The following HVCN1 variants were observed in gnomAD, a reference collection of about 807,000 sequenced individuals.
The protein encoded by HVCN1 is hydrogen voltage gated channel 1.
HVCN1 carries 14 observed loss-of-function variants against 29.2 expected under a neutral mutation model. The ratio of observed to expected loss-of-function variants is 0.48; its 90% CI spans 0.32 to 0.75. The LOEUF is 0.75. Among genes scored for constraint, HVCN1 ranks in the 30% least tolerant of loss-of-function variants. HVCN1 has a pLI of 0.04. For synonymous variants in HVCN1, 131 were observed against 133.2 expected, an observed-to-expected ratio of 0.98 and a Z score of 0.11; for missense variants, 263 against 341.8, an observed-to-expected ratio of 0.77 and a Z score of 1.82.
intron 2 of HVCN1, among the ~76,000 whole-genome samples, chr12:110,699,391 C>A (rs944337222): frequency 2.0e-5 from 3 of 152,090 alleles, no homozygotes; most frequent in African/African-American, 7.2e-5. Flanking sequence ...GGGGTGGGCT[C>A]CTGCAGCAGA....
intron 3 of HVCN1, among the ~76,000 whole-genome samples, chr12:110,679,809 C>T (rs1404865521): frequency 1.3e-5 from 2 of 151,368 alleles, no homozygotes; most frequent in Non-Finnish European, 2.9e-5. Flanking sequence ...GCCGAGATTG[C>T]GCCACTGCAG....
At chr12:110,704,463 A>G (rs150218677) in intron 1 of HVCN1, among the ~76,000 whole-genome samples, 248 of 152,154 alleles carry the variant, frequency 1.6e-3, no homozygotes, top group African/African-American at 5.4e-3. Context: ...AGCCTGGGGC[A>G]ACATAGCAAG....
chr12:110,660,644 GTTGTGTAA>G (rs2068138573), intron 4 of HVCN1, among the ~76,000 whole-genome samples: 2 of 152,156 alleles, frequency 1.3e-5, no homozygotes, highest in South Asian at 4.1e-4. Flanking sequence ...CATTCACAAG[GTTGTGTAA>G]CCATCACCAC....
rs1422352668 is a variant in HVCN1 at position 110,676,665 on chromosome 12, T to TC, written c.21+6559dup. Among the ~76,000 whole-genome samples the TC allele has an allele frequency of 6.6e-6, 1 of 152,032 alleles. No homozygotes were observed. The highest frequency in any genetic ancestry group is 2.1e-4 in the South Asian group (1 of 4,822). ...AACACTTCACACATCTTGTCACAAC[T>TC]CCCTGCTGGAGGAAATAAGTGTGAC... On this transcript the variant is annotated intron_variant, in intron 3 of 7. Transcript: ENST00000242607. This position sits in a 1 kb window ranked among gnomAD's most constrained non-coding sequence, Gnocchi z 4.1.
intron 2 of HVCN1, among the ~76,000 whole-genome samples, chr12:110,684,929 C>T (rs1040930307): frequency 2.0e-5 from 3 of 152,144 alleles, no homozygotes; most frequent in Non-Finnish European, 4.4e-5. Context: ...TACTCTCCCC[C>T]AACCTTTTAT....
chr12:110,693,064 A>T (rs2069436797), upstream of HVCN1, among the ~76,000 whole-genome samples: 1 of 151,916 alleles, frequency 6.6e-6, no homozygotes, highest in South Asian at 2.1e-4. Flanking sequence ...TTTTTTGTAG[A>T]GATGGGGTCT....
intron 3 of HVCN1, among the ~76,000 whole-genome samples, chr12:110,662,469 CT>C (rs2068210876): frequency 2.0e-5 from 3 of 152,204 alleles, no homozygotes; most frequent in African/African-American, 7.2e-5. Context: ...ATTCCATGGG[CT>C]AAGGCAAGTA....
intron 3 of HVCN1, chr12:110,682,879 C>A (rs1354813868): frequency 7.0e-6 from 2 of 287,734 alleles, no homozygotes; most frequent in African/African-American, 4.7e-5. Context: ...AGGAAAATCG[C>A]TTGAACCCTG....
At chr12:110,669,896 A>G (rs568070435) in intron 3 of HVCN1, among the ~76,000 whole-genome samples, 1 of 152,204 alleles carries the variant, frequency 6.6e-6, no homozygotes, top group South Asian at 2.1e-4. Flanking sequence ...TCTCTACTAA[A>G]AATACAAAAA....
intron 3 of HVCN1, among the ~76,000 whole-genome samples, chr12:110,672,591 T>C (rs916349176): frequency 4.6e-5 from 7 of 152,330 alleles, no homozygotes; most frequent in African/African-American, 1.7e-4. Context: ...TTTTTTCTAA[T>C]AGGTTTGGCT....
In HVCN1 at chr12:110,677,594, C is replaced by T. The variant is rs1436474429; in HGVS notation, c.21+5631G>A. Reference sequence around the variant, plus strand: ...AATGAAACCCCTGAGCAAATCTCTTCTCTGTGGGGAGGCAAGAGGACTCCA... The same window carrying T: ...AATGAAACCCCTGAGCAAATCTCTTTTCTGTGGGGAGGCAAGAGGACTCCA... On this transcript the variant is annotated intron_variant, in intron 3 of 7. Transcript: ENST00000242607. Among the ~76,000 whole-genome samples, 9 of 152,344 alleles carry T rather than the reference C, an allele frequency of 5.9e-5. No homozygotes were observed. In the East Asian group the frequency reaches 1.7e-3, roughly 29 times the overall value.
intron 5 of HVCN1, among the ~76,000 whole-genome samples, chr12:110,653,219 G>C (rs1177028284): frequency 6.6e-6 from 1 of 152,162 alleles, no homozygotes; most frequent in Non-Finnish European, 1.5e-5. Flanking sequence ...CAGCACTTTG[G>C]GAGGCCAAGA....
intron 3 of HVCN1, among the ~76,000 whole-genome samples, chr12:110,679,225 C>T (rs913935973): frequency 9.9e-5 from 15 of 152,158 alleles, no homozygotes; most frequent in African/African-American, 2.4e-4. Context: ...CTGGGTGCTG[C>T]GGTGGTGGAT....
intron 2 of HVCN1, among the ~76,000 whole-genome samples, chr12:110,701,088 C>G (rs2069559332): frequency 1.3e-5 from 2 of 152,226 alleles, no homozygotes; most frequent in African/African-American, 4.8e-5. Context: ...GAAACAGAGG[C>G]CGCATCTGGT....
chr12:110,697,246 T>C (rs2069507431), intron 2 of HVCN1, among the ~76,000 whole-genome samples: 1 of 152,010 alleles, frequency 6.6e-6, no homozygotes, highest in Non-Finnish European at 1.5e-5. Context: ...ACAACTGGTA[T>C]TGACAACAAG....
chr12:110,650,418 G>T, intron 6 of HVCN1, 138 bp from the exon 7 acceptor site: 1 of 591,236 alleles, frequency 1.7e-6, no homozygotes, highest in Non-Finnish European at 3.1e-6. Flanking sequence ...TAGGGCATCA[G>T]AACTGGGAGG....
chr12:110,654,142 T>C (rs980214801), intron 5 of HVCN1, among the ~76,000 whole-genome samples: 2 of 151,666 alleles, frequency 1.3e-5, no homozygotes, highest in Non-Finnish European at 2.9e-5. Context: ...CTATTAAAAA[T>C]AGAGGAAGAG....
chr12:110,670,643 C>A (rs545367851), intron 3 of HVCN1, among the ~76,000 whole-genome samples: 3 of 152,294 alleles, frequency 2.0e-5, no homozygotes, highest in Non-Finnish European at 4.4e-5. Context: ...TGCCCCTGGG[C>A]TCCATGACTT....
At chr12:110,667,542 A>G (rs1324966575) in intron 3 of HVCN1, among the ~76,000 whole-genome samples, 2 of 152,092 alleles carry the variant, frequency 1.3e-5, no homozygotes, top group African/African-American at 4.8e-5. Flanking sequence ...CGATCCTCCC[A>G]CAAAAGCCTC....
Sources: gnomAD v4.1 joint callset for allele counts (sites outside exome capture counted in the v4.1 genomes callset) on GRCh38, gnomAD v4.1.1 for gene constraint, Gnocchi (gnomAD v3.1) non-coding constraint, MANE v1.5 for transcripts, NCBI Gene and HGNC (gene_info 2026-07-23, HGNC 2026-07-21) for gene names.